Variants in TRAPPC10 observed in about 807,000 individuals in gnomAD.
The protein encoded by TRAPPC10 is TRAPP 130 kDa subunit.
TRAPPC10 carries 23 observed loss-of-function variants against 125.5 expected under a neutral mutation model. The observed-to-expected ratio is 0.18, with a 90% CI of 0.13 to 0.26. The LOEUF (loss-of-function observed/expected upper bound fraction) is 0.26. Ranked by LOEUF, TRAPPC10 falls within the 10% of genes least tolerant of loss-of-function variation. The pLI is 1.00. For missense variants in TRAPPC10, 1,123 were observed against 1,308.4 expected (o/e 0.86, Z 2.19); for synonymous variants, 509 against 518.0 (o/e 0.98, Z 0.24).
Position 44,084,269 on chromosome 21 carries a change from T to TG in TRAPPC10, c.2380+10dup. 6.2e-7 allele frequency: 1 copy of TG among 1,612,740 alleles called. No homozygotes were observed. Among genetic ancestry groups the TG allele is most frequent in the Non-Finnish European group, 8.5e-7 (1 of 1,179,570 alleles). Reference sequence around the variant, plus strand: ...GCACGTGGAGCCGCTGGCTGGTGAGTGGGGTCCCCAGCCTTTGAGGAGGCG... The same window carrying TG: ...GCACGTGGAGCCGCTGGCTGGTGAGTGGGGGTCCCCAGCCTTTGAGGAGGCG... On this transcript the variant is annotated splice_region_variant and intron_variant, in intron 15 of 22. Transcript: ENST00000291574.
At chr21:44,041,526 G>A (rs537529700) in intron 3 of TRAPPC10, among the ~76,000 whole-genome samples, 4 of 151,840 alleles carry the variant, frequency 2.6e-5, no homozygotes, top group African/African-American at 9.7e-5. Context: ...ACAGGCATGC[G>A]CCACCACGCC....
At chr21:44,036,730 A>C (rs1601609706) in intron 2 of TRAPPC10, among the ~76,000 whole-genome samples, 1 of 152,340 alleles carries the variant, frequency 6.6e-6, no homozygotes, top group East Asian at 1.9e-4. Flanking sequence ...CAGCAACATG[A>C]CATGTTTTGC....
intron 7 of TRAPPC10, among the ~76,000 whole-genome samples, chr21:44,071,694 C>G (rs947741642): frequency 1.3e-5 from 2 of 152,160 alleles, no homozygotes; most frequent in Admixed American, 6.5e-5. Context: ...CTTTTTTTCC[C>G]CATAAAAACT....
chr21:44,056,891 T>C (rs1341882418), intron 5 of TRAPPC10, among the ~76,000 whole-genome samples: 2 of 152,220 alleles, frequency 1.3e-5, no homozygotes, highest in African/African-American at 2.4e-5. Context: ...TGTACCACGG[T>C]CATATAAGAT....
At chr21:44,017,833 G>A (rs950005251) in intron 1 of TRAPPC10, among the ~76,000 whole-genome samples, 3 of 151,950 alleles carry the variant, frequency 2.0e-5, no homozygotes, top group African/African-American at 7.3e-5. Flanking sequence ...AAGAAGTGGA[G>A]CCCTGATCTG....
chr21:44,062,088 G>A (rs767458745), intron 6 of TRAPPC10, among the ~76,000 whole-genome samples: 1 of 152,208 alleles, frequency 6.6e-6, no homozygotes, highest in Non-Finnish European at 1.5e-5. Flanking sequence ...GTGAGAAGGA[G>A]CCTTCAAGGC....
At chr21:44,055,376 G>A (rs796675448) in intron 4 of TRAPPC10, among the ~76,000 whole-genome samples, 2 of 152,182 alleles carry the variant, frequency 1.3e-5, no homozygotes, top group African/African-American at 2.4e-5. Context: ...GATTGTTTGA[G>A]CCCAGGAGTT....
chr21:44,066,524 T>TC (rs2036463196), intron 7 of TRAPPC10, among the ~76,000 whole-genome samples: 1 of 152,248 alleles, frequency 6.6e-6, no homozygotes, highest in South Asian at 2.1e-4. Context: ...CCTTTTTTTT[T>TC]CTGTAACAAT....
chr21:44,045,368 A>G (rs1307595821), intron 3 of TRAPPC10, among the ~76,000 whole-genome samples: 9 of 152,020 alleles, frequency 5.9e-5, no homozygotes, highest in Admixed American at 5.9e-4. Context: ...GTACATTGGG[A>G]AAGTCTATTT....
chr21:44,072,252 C>T (rs919858621), intron 7 of TRAPPC10, among the ~76,000 whole-genome samples: 3 of 151,920 alleles, frequency 2.0e-5, no homozygotes, highest in East Asian at 2.0e-4. Flanking sequence ...CCTCAGCTCT[C>T]GGCTGCTGCT....
chr21:44,095,229 T>TTTTTTTTA (rs2038847819), intron 20 of TRAPPC10, among the ~76,000 whole-genome samples: 2 of 149,916 alleles, frequency 1.3e-5, no homozygotes, highest in South Asian at 4.2e-4. Context: ...TTTTATTTTA[T>TTTTTTTTA]TTTATTTATT....
At chr21:44,056,008 G>C in intron 5 of TRAPPC10, 115 bp downstream of exon 5, 1 of 969,884 alleles carries the variant, frequency 1.0e-6, no homozygotes. Flanking sequence ...CTCATTGGCA[G>C]AGTTTTTAAA....
At chr21:44,090,853 AT>A (rs1440514295) in intron 18 of TRAPPC10, among the ~76,000 whole-genome samples, 2 of 152,378 alleles carry the variant, frequency 1.3e-5, no homozygotes, top group Middle Eastern at 3.4e-3. Flanking sequence ...AACTGTAGAT[AT>A]TAATAGTTAA....
At chr21:44,018,761 T>C (rs1040129736) in intron 1 of TRAPPC10, among the ~76,000 whole-genome samples, 1 of 151,986 alleles carries the variant, frequency 6.6e-6, no homozygotes, top group African/African-American at 2.4e-5. Flanking sequence ...GTTTTTGCTG[T>C]GTGCTTCCAC....
At chr21:44,022,386 C>T (rs79536694) in intron 1 of TRAPPC10, among the ~76,000 whole-genome samples, 14 of 147,924 alleles carry the variant, frequency 9.5e-5, no homozygotes, top group East Asian at 4.0e-4. Flanking sequence ...CAGGTTCAAG[C>T]GATTCTCCTG....
intron 7 of TRAPPC10, among the ~76,000 whole-genome samples, chr21:44,071,801 C>T (rs188767966): frequency 5.3e-5 from 8 of 152,308 alleles, no homozygotes; most frequent in Middle Eastern, 3.4e-3. Context: ...GAACTCGCAG[C>T]GGAGACCAGA....
At chr21:44,014,060 T>C (rs7277585) in intron 1 of TRAPPC10, among the ~76,000 whole-genome samples, 2,623 of 152,348 alleles carry the variant, frequency 0.017, 75 homozygotes, top group African/African-American at 0.059. Context: ...GAATGCTGGA[T>C]ACACATTCAT....
At chr21:44,085,206 G>A (rs1208225343) in intron 15 of TRAPPC10, among the ~76,000 whole-genome samples, 1 of 151,922 alleles carries the variant, frequency 6.6e-6, no homozygotes, top group Non-Finnish European at 1.5e-5. Context: ...GGAGCTGCCA[G>A]CCTCCAATCA....
Position 44,063,481 on chromosome 21 carries a change from A to C in TRAPPC10, c.791-57A>C. 1.9e-6 allele frequency: 3 copies of C among 1,584,596 alleles called. No individual in the cohort carries two copies. Among genetic ancestry groups the C allele is most frequent in the Non-Finnish European group, 2.6e-6 (3 of 1,163,744 alleles). On this transcript the variant is annotated intron_variant, in intron 6 of 22. Transcript: ENST00000291574. The surrounding 1 kb of genome is among the most constrained non-coding windows in gnomAD (Gnocchi z 4.4). Reference sequence around the variant, plus strand: ...CCCACCATCCTCAGCCTGAGCAGGAAGCTCAGGAAGGTGAAGTACCTGCAA... The same window carrying C: ...CCCACCATCCTCAGCCTGAGCAGGACGCTCAGGAAGGTGAAGTACCTGCAA...
Sources: allele counts gnomAD v4.1 joint callset (sites outside exome capture counted in the v4.1 genomes callset), GRCh38; gene constraint gnomAD v4.1.1; non-coding constraint Gnocchi (gnomAD v3.1); transcripts MANE v1.5; gene names NCBI Gene and HGNC (gene_info 2026-07-23, HGNC 2026-07-21).